ANO10: variants seen among roughly 807,000 people sequenced by gnomAD.
The protein encoded by ANO10 is anoctamin 10.
In ANO10, 77 loss-of-function variants were observed where a neutral mutation model predicts 74.7. That is an observed-to-expected ratio of 1.03 (90% CI 0.86 to 1.25). ANO10 has a LOEUF of 1.25. Ranked by LOEUF, ANO10 falls within the 50% of genes most tolerant of loss-of-function variation. ANO10 has a pLI of 0.00. For synonymous variants in ANO10, 279 were observed against 284.9 expected (o/e 0.98, Z 0.21); for missense variants, 721 against 778.1 (o/e 0.93, Z 0.87).
At chr3:43,458,974 G>A (rs945385781) in intron 11 of ANO10, among the ~76,000 whole-genome samples, 4 of 152,132 alleles carry the variant, frequency 2.6e-5, no homozygotes, top group Non-Finnish European at 5.9e-5. Flanking sequence ...TATACGCCAC[G>A]AGCTTCCAAA....
chr3:43,376,110 A>T (rs1051810722), intron 12 of ANO10, among the ~76,000 whole-genome samples: 5 of 152,224 alleles, frequency 3.3e-5, no homozygotes, highest in African/African-American at 1.2e-4. Context: ...AGCACCTCCA[A>T]CAAAGAGCAT....
At chr3:43,484,899 A>G (rs2076407983) in intron 11 of ANO10, 3 of 655,752 alleles carry the variant, frequency 4.6e-6, no homozygotes, top group African/African-American at 3.7e-5. Flanking sequence ...AAGCATTTAC[A>G]GTTTATGTCT....
At chr3:43,565,604 C>T (rs1188616097) in intron 8 of ANO10, 49 bp downstream of exon 8, 2 of 1,395,778 alleles carry the variant, frequency 1.4e-6, no homozygotes, top group African/African-American at 2.9e-5. Flanking sequence ...AGATAGAAAA[C>T]CACCTCTATG....
intron 12 of ANO10, among the ~76,000 whole-genome samples, chr3:43,423,642 C>T (rs767772145): frequency 6.6e-6 from 1 of 152,194 alleles, no homozygotes; most frequent in East Asian, 1.9e-4. Context: ...GCTTGGGAAT[C>T]TTGCTAGACC....
chr3:43,636,733 C>T lies in ANO10; in HGVS notation c.-11-30870G>A, dbSNP rs146445041. Among the ~76,000 whole-genome samples the T allele has an allele frequency of 2.4e-3, 361 of 152,208 alleles. 4 individuals are homozygous for T. Among genetic ancestry groups the T allele is most frequent in the African/African-American group, 8.5e-3 (354 of 41,554 alleles). ...GTCATATATTTTTGTGTTTAATAGACGTTCTTTGTTAAATGTGGATGTTGA... is the reference window on the plus strand; with the variant it reads ...GTCATATATTTTTGTGTTTAATAGATGTTCTTTGTTAAATGTGGATGTTGA... On this transcript the variant is annotated intron_variant, in intron 1 of 3. Transcript: ENST00000413397.
At chr3:43,381,110 C>T (rs972518728) in intron 12 of ANO10, among the ~76,000 whole-genome samples, 12 of 152,072 alleles carry the variant, frequency 7.9e-5, no homozygotes, top group Non-Finnish European at 1.3e-4. Flanking sequence ...TGAGGGTAAC[C>T]GCCCCCATGA....
At chr3:43,386,533 G>A (rs2092121743) in intron 12 of ANO10, among the ~76,000 whole-genome samples, 1 of 152,104 alleles carries the variant, frequency 6.6e-6, no homozygotes, top group African/African-American at 2.4e-5. Context: ...CTGTGTGCTG[G>A]GTCTCTGCAG....
intron 12 of ANO10, among the ~76,000 whole-genome samples, chr3:43,399,019 G>T (rs1181084979): frequency 6.6e-6 from 1 of 152,092 alleles, no homozygotes; most frequent in Non-Finnish European, 1.5e-5. Context: ...GTAGAGATGG[G>T]GTTTCGCCAT....
chr3:43,421,318 C>A (rs1477998553), intron 12 of ANO10, among the ~76,000 whole-genome samples: 1 of 151,874 alleles, frequency 6.6e-6, no homozygotes, highest in Non-Finnish European at 1.5e-5. Flanking sequence ...CTCAGAAGAT[C>A]TAGACCAGCC....
At chr3:43,660,004 CCTGT>C (rs2083906492) in intron 1 of ANO10, among the ~76,000 whole-genome samples, 1 of 151,608 alleles carries the variant, frequency 6.6e-6, no homozygotes, top group African/African-American at 2.4e-5. Context: ...GGCTGAGGGG[CCTGT>C]CTGTTAGAAG....
chr3:43,479,335 C>T (rs2149080982), intron 11 of ANO10, among the ~76,000 whole-genome samples: 1 of 152,212 alleles, frequency 6.6e-6, no homozygotes, highest in Non-Finnish European at 1.5e-5. Flanking sequence ...ATTGTTGTTG[C>T]TTTCTTTTTC....
At chr3:43,580,265 C>A in intron 5 of ANO10, 88 bp downstream of exon 5, 2 of 1,549,532 alleles carry the variant, frequency 1.3e-6, no homozygotes, top group African/African-American at 1.4e-5. Flanking sequence ...CACTAAATAT[C>A]TGCCCAAGGG....
At chr3:43,387,658 G>C (rs2092161576) in intron 12 of ANO10, among the ~76,000 whole-genome samples, 2 of 152,190 alleles carry the variant, frequency 1.3e-5, no homozygotes, top group Admixed American at 6.5e-5. Flanking sequence ...AAACACTGTG[G>C]TTCTCAGTGG....
chr3:43,472,724 G>A (rs2075912777), intron 11 of ANO10: 1 of 152,164 alleles, frequency 6.6e-6, no homozygotes, highest in Admixed American at 6.5e-5. Context: ...TTGGGGAAAT[G>A]TAAATATAGA....
chr3:43,583,402 C>G (rs2081345453), intron 4 of ANO10, among the ~76,000 whole-genome samples: 1 of 152,148 alleles, frequency 6.6e-6, no homozygotes, highest in Non-Finnish European at 1.5e-5. Context: ...GATCTCTTAT[C>G]AAGTACTGGG....
At chr3:43,380,912 G>T (rs1244571106) in intron 12 of ANO10, among the ~76,000 whole-genome samples, 1 of 152,168 alleles carries the variant, frequency 6.6e-6, no homozygotes, top group African/African-American at 2.4e-5. Context: ...AATTTACAAA[G>T]AAAAGAGGTT....
At chr3:43,386,383 G>A (rs1015712156) in intron 12 of ANO10, among the ~76,000 whole-genome samples, 13 of 116,024 alleles carry the variant, frequency 1.1e-4, no homozygotes, top group Admixed American at 8.9e-4. Flanking sequence ...GAAGAAAGGA[G>A]GAAAGGGGAA....
intron 11 of ANO10, among the ~76,000 whole-genome samples, chr3:43,443,679 C>CTTTTTTT (rs59685910): frequency 8.2e-6 from 1 of 122,034 alleles, no homozygotes; most frequent in African/African-American, 3.2e-5. Context: ...TTCCTTCCTT[C>CTTTTTTT]TTTTTTTTTT....
chr3:43,501,209 T>C (rs1378574611), intron 11 of ANO10, among the ~76,000 whole-genome samples: 1 of 152,120 alleles, frequency 6.6e-6, no homozygotes, highest in Non-Finnish European at 1.5e-5. Context: ...GGGAGCCAGC[T>C]ATGCAGTCAC....
Sources: allele counts gnomAD v4.1 joint callset (sites outside exome capture counted in the v4.1 genomes callset), GRCh38; gene constraint gnomAD v4.1.1; transcripts MANE v1.5; gene names NCBI Gene and HGNC (gene_info 2026-07-23, HGNC 2026-07-21).